CPNE4: variants seen among roughly 807,000 people sequenced by gnomAD.
The protein encoded by CPNE4 is copine-4.
A neutral mutation model predicts 67.9 loss-of-function variants in CPNE4; 25 were observed. The observed-to-expected ratio is 0.37, with a 90% CI of 0.27 to 0.51. The LOEUF is 0.51. Ranked by LOEUF, CPNE4 falls within the 20% of genes least tolerant of loss-of-function variation. CPNE4 has a pLI of 0.93. For missense variants in CPNE4, 464 were observed against 690.8 expected, an observed-to-expected ratio of 0.67 and a Z score of 3.68; for synonymous variants, 242 against 244.9, an observed-to-expected ratio of 0.99 and a Z score of 0.11.
chr3:131,859,373 T>C (rs922212189), intron 2 of CPNE4, among the ~76,000 whole-genome samples: 22 of 152,218 alleles, frequency 1.4e-4, no homozygotes, highest in Non-Finnish European at 2.4e-4. Context: ...TGCTCTTCTC[T>C]ATTCAATACT....
At chr3:131,921,484 A>G (rs2070738741) in intron 1 of CPNE4, among the ~76,000 whole-genome samples, 1 of 152,202 alleles carries the variant, frequency 6.6e-6, no homozygotes, top group Non-Finnish European at 1.5e-5. Context: ...TGCCTTTGAA[A>G]AACTTTCAGA....
chr3:131,859,744 G>C (rs1275852400), intron 2 of CPNE4, among the ~76,000 whole-genome samples: 3 of 152,176 alleles, frequency 2.0e-5, no homozygotes, highest in Admixed American at 6.5e-5. Context: ...CAGATGACAA[G>C]TGTCCCTGGA....
At chr3:131,741,778 C>T (rs982140094) in intron 2 of CPNE4, among the ~76,000 whole-genome samples, 4 of 152,172 alleles carry the variant, frequency 2.6e-5, no homozygotes, top group African/African-American at 7.2e-5. Context: ...CAGCCTCCTA[C>T]TGCAGAGGCT....
At chr3:131,554,570 A>G (rs1479463820) in intron 12 of CPNE4, among the ~76,000 whole-genome samples, 2 of 152,088 alleles carry the variant, frequency 1.3e-5, no homozygotes, top group East Asian at 3.9e-4. Flanking sequence ...GAGACAAGCG[A>G]TTCCATCCAC....
At chr3:131,540,363 G>A (rs1470923657) in intron 15 of CPNE4, among the ~76,000 whole-genome samples, 1 of 152,196 alleles carries the variant, frequency 6.6e-6, no homozygotes, top group African/African-American at 2.4e-5. Context: ...GTCTGGGCAG[G>A]TCATGAAATA....
chr3:131,671,631 C>T (rs2080419893), intron 6 of CPNE4, among the ~76,000 whole-genome samples: 1 of 152,056 alleles, frequency 6.6e-6, no homozygotes, highest in South Asian at 2.1e-4. Context: ...AGGAGCACCT[C>T]CCCATTAGAG....
In CPNE4 at chr3:131,559,983, C is replaced by T. The variant is rs79771673; in HGVS notation, c.1061+4233G>A. On this transcript the variant is annotated intron_variant, in intron 11 of 15. Transcript: ENST00000429747. Reference sequence around the variant, plus strand: ...TCAGTGAAAAAATGTGACAGCTATACATTTTAATATTTTTTTTAAAAGTAC... The same window carrying T: ...TCAGTGAAAAAATGTGACAGCTATATATTTTAATATTTTTTTTAAAAGTAC... Among the ~76,000 whole-genome samples, 917 of 152,122 alleles carry T rather than the reference C, an allele frequency of 6.0e-3. 8 individuals carry two copies. Among genetic ancestry groups the T allele is most frequent in the African/African-American group, 0.02 (851 of 41,530 alleles).
chr3:131,555,119 T>C (rs1936391161), intron 12 of CPNE4, among the ~76,000 whole-genome samples: 2 of 152,066 alleles, frequency 1.3e-5, no homozygotes, highest in South Asian at 2.1e-4. Context: ...GTAGACTCCA[T>C]TGTCACGGAC....
chr3:131,869,707 T>C (rs1288569932), intron 2 of CPNE4, among the ~76,000 whole-genome samples: 2 of 152,168 alleles, frequency 1.3e-5, no homozygotes, highest in African/African-American at 2.4e-5. Context: ...CATAACTACA[T>C]AGATGATTAC....
At chr3:131,903,207 A>G (rs919581309) in intron 2 of CPNE4, among the ~76,000 whole-genome samples, 5 of 152,122 alleles carry the variant, frequency 3.3e-5, no homozygotes, top group African/African-American at 1.2e-4. Flanking sequence ...GAAGGCTTAA[A>G]GAATTTGGTC....
chr3:132,001,723 T>C (rs1276181679), intron 1 of CPNE4, among the ~76,000 whole-genome samples: 2 of 152,108 alleles, frequency 1.3e-5, no homozygotes, highest in African/African-American at 2.4e-5. Flanking sequence ...GAATAAAAGA[T>C]GGCCCTTCAG....
intron 1 of CPNE4, among the ~76,000 whole-genome samples, chr3:132,026,547 T>C (rs972980786): frequency 6.6e-6 from 1 of 152,232 alleles, no homozygotes; most frequent in African/African-American, 2.4e-5. Flanking sequence ...TTGCCAGTGC[T>C]TTGACAACTG....
intron 10 of CPNE4, among the ~76,000 whole-genome samples, chr3:131,572,456 A>G (rs560688388): frequency 3.2e-4 from 49 of 151,990 alleles, no homozygotes; most frequent in African/African-American, 1.1e-3. Context: ...AGAGAAATAA[A>G]TATTTCAAGT....
At chr3:131,702,530 TG>T (rs2081326525) in intron 3 of CPNE4, among the ~76,000 whole-genome samples, 1 of 152,204 alleles carries the variant, frequency 6.6e-6, no homozygotes, top group South Asian at 2.1e-4. Flanking sequence ...CAAACAAATC[TG>T]GTCTCAGAAA....
chr3:131,558,547 A>G (rs778656864), intron 11 of CPNE4, among the ~76,000 whole-genome samples: 1 of 151,866 alleles, frequency 6.6e-6, no homozygotes, highest in African/African-American at 2.4e-5. Flanking sequence ...ATAAAAAAAA[A>G]CCCTACGTGC....
At chr3:131,834,862 TAAG>T (rs1243574587) in intron 2 of CPNE4, among the ~76,000 whole-genome samples, 1 of 152,126 alleles carries the variant, frequency 6.6e-6, no homozygotes, top group Non-Finnish European at 1.5e-5. Context: ...TATTAAATAA[TAAG>T]AACAACATCT....
At chr3:131,842,207 T>A (rs1448551656) in intron 2 of CPNE4, among the ~76,000 whole-genome samples, 1 of 152,198 alleles carries the variant, frequency 6.6e-6, no homozygotes, top group Non-Finnish European at 1.5e-5. Flanking sequence ...TCTGCAGAAG[T>A]TTCTACAAAG....
At chr3:131,548,076 T>G (rs567878264) in intron 14 of CPNE4, among the ~76,000 whole-genome samples, 13 of 152,228 alleles carry the variant, frequency 8.5e-5, no homozygotes, top group Non-Finnish European at 1.5e-5. Context: ...ACCAAAGACA[T>G]GCAGTGACTG....
At chr3:131,728,671 G>C (rs1409068869) in intron 2 of CPNE4, among the ~76,000 whole-genome samples, 1 of 152,056 alleles carries the variant, frequency 6.6e-6, no homozygotes, top group African/African-American at 2.4e-5. Flanking sequence ...AGCACTTTGG[G>C]AGGCCGAGGC....
Sources: allele counts gnomAD v4.1 joint callset (sites outside exome capture counted in the v4.1 genomes callset), GRCh38; gene constraint gnomAD v4.1.1; transcripts MANE v1.5; gene names NCBI Gene and HGNC (gene_info 2026-07-23, HGNC 2026-07-21).